Variants in UBE2J1 observed in about 807,000 individuals in gnomAD.
UBE2J1 encodes the protein ubiquitin-conjugating enzyme E2 J1.
In UBE2J1, 17 loss-of-function variants were observed where a neutral mutation model predicts 42.1. That is an observed-to-expected ratio of 0.40 (90% CI 0.28 to 0.61). The LOEUF (loss-of-function observed/expected upper bound fraction) is 0.61, where lower values mean the gene tolerates loss of function less well. UBE2J1 is among the 20% of genes least tolerant of loss of function. UBE2J1 has a pLI of 0.38. For synonymous variants in UBE2J1, 127 were observed against 137.2 expected, an observed-to-expected ratio of 0.93 and a Z score of 0.52; for missense variants, 291 against 389.4, an observed-to-expected ratio of 0.75 and a Z score of 2.13.
intron 3 of UBE2J1, among the ~76,000 whole-genome samples, chr6:89,339,945 C>T (rs1768211835): frequency 6.6e-6 from 1 of 151,070 alleles, no homozygotes; most frequent in African/African-American, 2.4e-5. Flanking sequence ...GAGTGTGGGA[C>T]ATCAAGGCTG....
intron 7 of UBE2J1, among the ~76,000 whole-genome samples, chr6:89,330,985 G>A (rs930840243): frequency 1.3e-5 from 2 of 152,148 alleles, no homozygotes; most frequent in Non-Finnish European, 2.9e-5. Flanking sequence ...TGCCTTCAGT[G>A]TTTTTCCCAT....
rs778868543 is a variant in UBE2J1, at chr6:89,326,979, C to A, written c.*2700G>T. 1 of 152,492 alleles carries A rather than the reference C, an allele frequency of 6.6e-6. No homozygotes were observed. 9.4% of individuals were successfully genotyped at this position (152,492 alleles called of 1,614,324 possible). A position where few individuals can be genotyped will look rare whatever the true frequency, so the allele number is the denominator to read the frequency against. On this transcript the variant is annotated 3_prime_UTR_variant, in exon 8 of 8. Transcript: ENST00000435041. ...ATAGCCAAAAATGACAAAAAGAGTT[C>A]TTATTCTCCCAAAATAGGAAATTTT...
At chr6:89,352,496 GGTCA>G in intron 1 of UBE2J1, 39 bp downstream of exon 1, 1 of 1,545,372 alleles carries the variant, frequency 6.5e-7, no homozygotes, top group South Asian at 1.2e-5. Context: ...CGGGGTCCAG[GGTCA>G]CTCCGCCCTC....
At position 89,335,425 on chromosome 6, in the gene UBE2J1, T is replaced by C. The variant is rs1356246578; in HGVS notation, c.435A>G (p.Gln145=). Residue 145 remains glutamine (Q), a synonymous_variant, in exon 6 of 8, where the codon CAA becomes CAG. Transcript: ENST00000435041. ...AGCCACATCCTTCACAACAGAAATC[T>C]TGTGATCTAGTAGAAAAAGATTTTT... The part of the protein sequence containing the change: ...EERRALAKKS[Q]DFCCEGCGSA... The C allele has an allele frequency of 6.4e-7, 1 of 1,569,830 alleles. No homozygotes were observed. The highest frequency in any genetic ancestry group is 1.8e-5 in the Admixed American group (1 of 54,852).
At chr6:89,337,652 G>A (rs1339521959) in intron 5 of UBE2J1, among the ~76,000 whole-genome samples, 2 of 152,088 alleles carry the variant, frequency 1.3e-5, no homozygotes, top group Admixed American at 6.5e-5. Context: ...ACTGATCTTG[G>A]TCATATAGAC....
chr6:89,338,890 A>T (rs13213825), intron 3 of UBE2J1, among the ~76,000 whole-genome samples: 2 of 151,472 alleles, frequency 1.3e-5, no homozygotes, highest in Non-Finnish European at 2.9e-5. Flanking sequence ...TGGTCTCGAT[A>T]TCCTGACCTT....
At chr6:89,337,824 C>T (rs1298548643) in intron 5 of UBE2J1, among the ~76,000 whole-genome samples, 1 of 152,140 alleles carries the variant, frequency 6.6e-6, no homozygotes, top group Non-Finnish European at 1.5e-5. Flanking sequence ...AGTGGATTAC[C>T]TCTTGGCCCT....
chr6:89,335,060 A>C lies in UBE2J1; in HGVS notation c.558+242T>G, dbSNP rs565317890. ...TCACTATTCTATAAAGCTTTCATGA[A>C]TGTAGTTAGGAATTTTGTAATAAGA... is the stretch of plus-strand genomic sequence containing the variant. On this transcript the variant is annotated intron_variant, in intron 6 of 7. Transcript: ENST00000435041. Among the ~76,000 whole-genome samples the C allele has an allele frequency of 4.6e-5, 7 of 152,300 alleles. No homozygotes were observed. The East Asian group carries it at 1.2e-3, about 25-fold the overall frequency.
intron 3 of UBE2J1, among the ~76,000 whole-genome samples, chr6:89,340,670 T>A (rs1260525490): frequency 2.0e-5 from 3 of 152,244 alleles, no homozygotes; most frequent in African/African-American, 7.2e-5. Context: ...CCAGTCAGAA[T>A]CTAGGCCTAT....
chr6:89,338,654 T>TTTG (rs1468772828), intron 3 of UBE2J1, 111 bp from the exon 4 acceptor site: 1 of 281,362 alleles, frequency 3.6e-6, no homozygotes, highest in East Asian at 1.0e-4. Flanking sequence ...TCTTAAAAAG[T>TTTG]TTGTTTTTTT....
chr6:89,335,269 C>T, intron 6 of UBE2J1, 33 bp downstream of exon 6: 1 of 1,535,034 alleles, frequency 6.5e-7, no homozygotes, highest in Non-Finnish European at 8.8e-7. Context: ...AAAAGGGTTG[C>T]AAGATTAGCA....
intron 3 of UBE2J1, among the ~76,000 whole-genome samples, chr6:89,341,858 A>C (rs1768251656): frequency 6.6e-6 from 1 of 152,228 alleles, no homozygotes; most frequent in Admixed American, 6.5e-5. Flanking sequence ...GCTCTATTCT[A>C]AGAGCTATAC....
At chr6:89,332,676 A>G (rs1768032875) in intron 7 of UBE2J1, among the ~76,000 whole-genome samples, 1 of 152,214 alleles carries the variant, frequency 6.6e-6, no homozygotes, top group African/African-American at 2.4e-5. Context: ...TGTTGGACAG[A>G]GCAAGTCTAA....
intron 1 of UBE2J1, among the ~76,000 whole-genome samples, chr6:89,346,959 T>C (rs952732790): frequency 6.6e-6 from 1 of 152,240 alleles, no homozygotes; most frequent in Non-Finnish European, 1.5e-5. Flanking sequence ...CAAATATTAG[T>C]TGAATTAAAT....
rs747627212 is a variant in UBE2J1, at chr6:89,352,608, G to A, written c.-39C>T. The A allele has an allele frequency of 1.4e-5, 22 of 1,539,632 alleles. No homozygotes were observed. Among genetic ancestry groups the A allele is most frequent in the Admixed American group, 9.3e-5 (5 of 53,724 alleles). ...CTTGGCTCCGGCCTCCCGGGCCGCT[G>A]CCACCTCCTCTCCACGCGGCCGCTG... is the stretch of plus-strand genomic sequence containing the variant. On this transcript the variant is annotated 5_prime_UTR_variant, in exon 1 of 8. Transcript: ENST00000435041.
In UBE2J1 at chr6:89,329,882, G is replaced by A. The variant is rs756240479; in HGVS notation, c.754C>T (p.Pro252Ser). 1.2e-6 allele frequency: 2 copies of A among 1,614,050 alleles called. No homozygotes were observed. The highest frequency in any genetic ancestry group is 1.1e-5 in the South Asian group (1 of 91,080). Reference sequence around the variant, plus strand: ...TGCTGCTGGGCCCGGCGCTGTCGAGGGCTCATGGAGGTATTCTTAGCTACA... The same window carrying A: ...TGCTGCTGGGCCCGGCGCTGTCGAGAGCTCATGGAGGTATTCTTAGCTACA... ...QPVAKNTSMS[P>S]RQRRAQQQSQ... Residue 252 changes from proline to serine, a missense_variant, in exon 8 of 8, where the codon CCT becomes TCT. Pro to Ser is a moderately conservative substitution (Grantham distance 74). This residue lies in a region of UBE2J1 where 176 missense variants were observed against 196.3 expected (regional missense o/e 0.90). Transcript: ENST00000435041.
chr6:89,334,474 CT>C lies in UBE2J1; in HGVS notation c.558+827del, dbSNP rs763354270. ...GAATGTCATTTTCTTTTTCTTTTTT[CT>C]TTTTTTTTTTTTTGAGATGGAGTTT... On this transcript the variant is annotated intron_variant, in intron 6 of 7. Coordinates refer to ENST00000435041, the MANE Select transcript of UBE2J1 (RefSeq NM_016021.3). Among the ~76,000 whole-genome samples the C allele has an allele frequency of 1.7e-3, 230 of 138,374 alleles. 1 individual carries two copies. The highest frequency in any genetic ancestry group is 3.9e-3 in the Middle Eastern group (1 of 258). The allele number at this position is 138,374 out of a possible 152,430, so 90.8% of individuals were successfully genotyped here.
intron 1 of UBE2J1, among the ~76,000 whole-genome samples, chr6:89,345,439 T>C (rs1349831586): frequency 1.3e-5 from 2 of 151,570 alleles, no homozygotes; most frequent in African/African-American, 2.4e-5. Context: ...CTGTCTCTAC[T>C]AAAAATACAA....
chr6:89,340,245 TG>T (rs1424433607), intron 3 of UBE2J1, among the ~76,000 whole-genome samples: 2 of 152,100 alleles, frequency 1.3e-5, no homozygotes, highest in Non-Finnish European at 2.9e-5. Context: ...AAGAGTGTAA[TG>T]TTGAAAATCA....
Sources: allele counts gnomAD v4.1 joint callset (sites outside exome capture counted in the v4.1 genomes callset), GRCh38; gene constraint gnomAD v4.1.1; regional missense constraint gnomAD v4.1.1; transcripts MANE v1.5; gene names NCBI Gene and HGNC (gene_info 2026-07-23, HGNC 2026-07-21).